Variants in CDK14 observed in about 807,000 individuals in gnomAD.
CDK14 encodes the protein cyclin dependent kinase 14.
A neutral mutation model predicts 60.7 loss-of-function variants in CDK14; 34 were observed. The ratio of observed to expected loss-of-function variants is 0.56; its 90% CI spans 0.43 to 0.75. CDK14 has a LOEUF of 0.75. Ranked by LOEUF, CDK14 falls within the 30% of genes least tolerant of loss-of-function variation. The pLI is 0.00. For missense variants in CDK14, 482 were observed against 564.1 expected (o/e 0.85, Z 1.47); for synonymous variants, 197 against 203.7 (o/e 0.97, Z 0.28).
At chr7:91,052,641 T>C (rs1436359798) in intron 11 of CDK14, among the ~76,000 whole-genome samples, 1 of 152,118 alleles carries the variant, frequency 6.6e-6, no homozygotes, top group African/African-American at 2.4e-5. Flanking sequence ...CAAAAAGGAA[T>C]ACACTGTGAA....
At chr7:90,777,034 C>T (rs1371445286) in intron 4 of CDK14, among the ~76,000 whole-genome samples, 1 of 149,938 alleles carries the variant, frequency 6.7e-6, no homozygotes, top group Non-Finnish European at 1.5e-5. Flanking sequence ...AAAAAAAAGT[C>T]ATACTTAAAT....
At chr7:90,729,388 C>A (rs1802774406) in intron 3 of CDK14, among the ~76,000 whole-genome samples, 1 of 104,860 alleles carries the variant, frequency 9.5e-6, no homozygotes, top group African/African-American at 3.7e-5. Flanking sequence ...TCATCCTAGG[C>A]AATGTGACTT....
intron 8 of CDK14, among the ~76,000 whole-genome samples, chr7:90,934,610 C>T (rs1048448718): frequency 6.6e-6 from 1 of 152,104 alleles, no homozygotes; most frequent in Non-Finnish European, 1.5e-5. Flanking sequence ...TTATTTTGGA[C>T]AAGTCACTTA....
chr7:90,958,713 T>C (rs1206138506), intron 9 of CDK14, among the ~76,000 whole-genome samples: 1 of 152,210 alleles, frequency 6.6e-6, no homozygotes, highest in African/African-American at 2.4e-5. Context: ...AGATATTCAT[T>C]ACTTAAGATT....
In CDK14 at chr7:91,118,490, T is replaced by C. The variant is rs1799681201; in HGVS notation, c.*28+282T>C. Among the ~76,000 whole-genome samples the C allele has an allele frequency of 2.6e-5, 4 of 152,218 alleles. No individual in the cohort carries two copies. In the South Asian group the frequency reaches 8.3e-4, roughly 32 times the overall value. ...TCATCTTAACTACTCACATTCCTCA[T>C]GGAGATTAGAAAAAGGTTCACTTTG... On this transcript the variant is annotated intron_variant, in intron 14 of 14. Transcript: ENST00000380050.
chr7:90,735,172 T>C (rs1342155574), intron 3 of CDK14, among the ~76,000 whole-genome samples: 1 of 152,172 alleles, frequency 6.6e-6, no homozygotes, highest in East Asian at 1.9e-4. Context: ...TGCCTGTTCC[T>C]TCGTCTGGAA....
chr7:90,906,696 C>T (rs912448898), intron 7 of CDK14, among the ~76,000 whole-genome samples: 1 of 151,522 alleles, frequency 6.6e-6, no homozygotes, highest in African/African-American at 2.4e-5. Flanking sequence ...GGAGATTGTT[C>T]CTTAGTGAGA....
At chr7:90,855,808 T>C (rs1562799992) in intron 5 of CDK14, among the ~76,000 whole-genome samples, 1 of 152,174 alleles carries the variant, frequency 6.6e-6, no homozygotes, top group Admixed American at 6.5e-5. Context: ...TTTACAGTGA[T>C]TTAGTAACCA....
chr7:90,744,016 A>T (rs7796822), intron 3 of CDK14, among the ~76,000 whole-genome samples: 98,589 of 151,290 alleles, frequency 0.65, 32,531 homozygotes, highest in East Asian at 0.96. Context: ...CTTTTTTTTT[A>T]AATTATTTAT....
rs1584223285 is a variant in CDK14 at position 91,006,610 on chromosome 7, A to G, written c.1041+22369A>G. ...TGAATTAAAAAGTACTCAGAATTCCACTAGATTTTGGAAATATGTAAATTT... is the reference window on the plus strand; with the variant it reads ...TGAATTAAAAAGTACTCAGAATTCCGCTAGATTTTGGAAATATGTAAATTT... On this transcript the variant is annotated intron_variant, in intron 10 of 14. Transcript: ENST00000380050. Among the ~76,000 whole-genome samples the G allele has an allele frequency of 2.6e-5, 4 of 152,216 alleles. No individual in the cohort carries two copies. The South Asian group carries it at 8.3e-4, about 32-fold the overall frequency.
intron 2 of CDK14, among the ~76,000 whole-genome samples, chr7:90,607,353 C>A (rs2116329671): frequency 6.6e-6 from 1 of 152,248 alleles, no homozygotes; most frequent in South Asian, 2.1e-4. Context: ...TGGCAACTCT[C>A]CTTAGTATTT....
chr7:91,111,096 C>T (rs552871542), intron 12 of CDK14, among the ~76,000 whole-genome samples: 81 of 152,248 alleles, frequency 5.3e-4, no homozygotes, highest in South Asian at 1.9e-3. Context: ...TCGTGAACAG[C>T]CATTGCAGCA....
At chr7:90,902,792 A>G (rs935529649) in intron 7 of CDK14, among the ~76,000 whole-genome samples, 1 of 152,150 alleles carries the variant, frequency 6.6e-6, no homozygotes, top group African/African-American at 2.4e-5. Flanking sequence ...AGGAAACAGG[A>G]GCAAAGATAC....
chr7:91,148,563 G>T (rs756413112), intron 14 of CDK14, among the ~76,000 whole-genome samples: 4 of 152,130 alleles, frequency 2.6e-5, no homozygotes, highest in Non-Finnish European at 5.9e-5. Context: ...AGTACAGCCT[G>T]ACCTAGATGT....
chr7:91,023,877 A>G (rs929616053), intron 10 of CDK14, among the ~76,000 whole-genome samples: 1 of 152,112 alleles, frequency 6.6e-6, no homozygotes, highest in Non-Finnish European at 1.5e-5. Flanking sequence ...GGTTCAGGCA[A>G]TTCTCCTGCC....
At chr7:90,748,731 T>A (rs1462824760) in intron 4 of CDK14, among the ~76,000 whole-genome samples, 1 of 152,124 alleles carries the variant, frequency 6.6e-6, no homozygotes, top group Non-Finnish European at 1.5e-5. Context: ...TACAAGCCCA[T>A]GCCATCATGT....
At chr7:90,952,180 T>G (rs1341636324) in intron 8 of CDK14, among the ~76,000 whole-genome samples, 1 of 152,122 alleles carries the variant, frequency 6.6e-6, no homozygotes, top group East Asian at 1.9e-4. Flanking sequence ...GAGGCTGTTA[T>G]GATGAGGCCT....
chr7:90,610,125 C>T (rs1389251390), intron 2 of CDK14, among the ~76,000 whole-genome samples: 1 of 152,164 alleles, frequency 6.6e-6, no homozygotes, highest in Non-Finnish European at 1.5e-5. Context: ...CCTGTCCCAT[C>T]CCATTCTCAT....
At chr7:91,160,673 A>G (rs1260280902) in intron 14 of CDK14, among the ~76,000 whole-genome samples, 1 of 151,832 alleles carries the variant, frequency 6.6e-6, no homozygotes, top group Non-Finnish European at 1.5e-5. Flanking sequence ...ATTTTTAAAG[A>G]TTTTCTTTCT....
Sources: gnomAD v4.1 joint callset for allele counts (sites outside exome capture counted in the v4.1 genomes callset) on GRCh38, gnomAD v4.1.1 for gene constraint, MANE v1.5 for transcripts, NCBI Gene and HGNC (gene_info 2026-07-23, HGNC 2026-07-21) for gene names.